The following FSTL5 variants were observed in gnomAD, a reference collection of about 807,000 sequenced individuals.
The protein encoded by FSTL5 is follistatin like 5.
A neutral mutation model predicts 89.1 loss-of-function variants in FSTL5; 62 were observed. That is an observed-to-expected ratio of 0.70 (90% CI 0.57 to 0.86). FSTL5 has a LOEUF of 0.86. Ranked by LOEUF, FSTL5 falls within the 40% of genes least tolerant of loss-of-function variation. FSTL5 has a pLI of 0.00. For missense variants in FSTL5, 1,057 were observed against 1,001.6 expected, an observed-to-expected ratio of 1.06 and a Z score of -0.75; for synonymous variants, 383 against 346.2, an observed-to-expected ratio of 1.11 and a Z score of -1.18.
chr4:161,676,097 G>C (rs1287690533), intron 6 of FSTL5, among the ~76,000 whole-genome samples: 2 of 152,044 alleles, frequency 1.3e-5, no homozygotes, highest in African/African-American at 4.8e-5. Flanking sequence ...AAAGGTAATG[G>C]TAATAGCTAT....
chr4:162,054,966 C>A (rs1738491520), intron 2 of FSTL5, among the ~76,000 whole-genome samples: 1 of 151,934 alleles, frequency 6.6e-6, no homozygotes. Context: ...CACAGGTAGT[C>A]ACCAACTCAA....
Position 162,033,615 on chromosome 4 carries a change from C to T in FSTL5, c.160+10G>A, listed in dbSNP as rs190176579. On this transcript the variant is annotated intron_variant, in intron 3 of 15. Coordinates refer to ENST00000306100, the MANE Select transcript of FSTL5 (RefSeq NM_020116.5). ...TATATAATTGTTATCTTAAAGCAAT[C>T]ATTTCTTACCTTTGACTCTTGAACT... The T allele has an allele frequency of 2.8e-6, 4 of 1,441,046 alleles. No individual in the cohort carries two copies. In the East Asian group the frequency reaches 9.4e-5, roughly 34 times the overall value. The allele number at this position is 1,441,046 out of a possible 1,614,324, so 89.3% of individuals were successfully genotyped here. A position where few individuals can be genotyped will look rare whatever the true frequency, so the allele number is the denominator to read the frequency against.
chr4:162,027,283 G>A (rs1737330740), intron 3 of FSTL5, among the ~76,000 whole-genome samples: 1 of 151,954 alleles, frequency 6.6e-6, no homozygotes, highest in African/African-American at 2.4e-5. Context: ...CTTACATTGA[G>A]ATCTATACTA....
chr4:161,435,755 T>C (rs189260126), intron 15 of FSTL5, among the ~76,000 whole-genome samples: 4 of 151,548 alleles, frequency 2.6e-5, no homozygotes, highest in Admixed American at 1.3e-4. Flanking sequence ...TTAAAAACAT[T>C]TTTGTAAAAG....
At chr4:161,940,925 C>A (rs1030506899) in intron 3 of FSTL5, among the ~76,000 whole-genome samples, 1 of 151,208 alleles carries the variant, frequency 6.6e-6, no homozygotes, top group South Asian at 2.1e-4. Flanking sequence ...TTTTGTTTTT[C>A]ATTATGTCTT....
intron 4 of FSTL5, among the ~76,000 whole-genome samples, chr4:161,807,546 C>T (rs2126835883): frequency 6.6e-6 from 1 of 152,130 alleles, no homozygotes; most frequent in Middle Eastern, 3.4e-3. Context: ...AAATTTTAGA[C>T]AGTAAATATT....
chr4:162,083,545 G>GA (rs899393053), intron 2 of FSTL5, among the ~76,000 whole-genome samples: 4 of 151,498 alleles, frequency 2.6e-5, no homozygotes, highest in East Asian at 3.9e-4. Flanking sequence ...AAATAATTTA[G>GA]AAAAAAATCA....
intron 15 of FSTL5, among the ~76,000 whole-genome samples, chr4:161,428,047 C>CA (rs1732223893): frequency 6.6e-6 from 1 of 152,148 alleles, no homozygotes; most frequent in Non-Finnish European, 1.5e-5. Context: ...AGCCACATGG[C>CA]ACAGAGAGAG....
chr4:161,454,927 T>G (rs1733295719), intron 15 of FSTL5, 77 bp downstream of exon 15: 1 of 1,367,952 alleles, frequency 7.3e-7, no homozygotes, highest in Non-Finnish European at 1.0e-6. Context: ...TATCTAAGTT[T>G]CTTTACGATT....
intron 8 of FSTL5, among the ~76,000 whole-genome samples, chr4:161,560,403 A>C (rs1732551974): frequency 6.6e-6 from 1 of 151,896 alleles, no homozygotes; most frequent in African/African-American, 2.4e-5. Context: ...TTAGATTTAT[A>C]AAAAAACTTT....
intron 7 of FSTL5, among the ~76,000 whole-genome samples, chr4:161,620,318 A>T (rs1176776227): frequency 2.6e-5 from 4 of 152,042 alleles, no homozygotes; most frequent in African/African-American, 9.7e-5. Context: ...GTGCACATGT[A>T]CCCTAAAACG....
At chr4:161,572,630 T>G (rs965302970) in intron 8 of FSTL5, among the ~76,000 whole-genome samples, 8 of 152,150 alleles carry the variant, frequency 5.3e-5, no homozygotes, top group African/African-American at 1.9e-4. Context: ...ATATAAACTT[T>G]CTAGAAAATT....
intron 2 of FSTL5, among the ~76,000 whole-genome samples, chr4:162,072,973 C>T (rs966682392): frequency 6.6e-6 from 1 of 151,744 alleles, no homozygotes; most frequent in African/African-American, 2.4e-5. Context: ...TGCCTTTGAC[C>T]TTGAACTGAG....
intron 12 of FSTL5, among the ~76,000 whole-genome samples, chr4:161,497,930 C>T (rs1369035684): frequency 6.6e-6 from 1 of 151,678 alleles, no homozygotes; most frequent in Admixed American, 6.6e-5. Flanking sequence ...GAAAATTATA[C>T]ATAGTTTGCA....
intron 4 of FSTL5, among the ~76,000 whole-genome samples, chr4:161,777,070 C>T (rs1309228977): frequency 6.6e-6 from 1 of 151,976 alleles, no homozygotes; most frequent in Non-Finnish European, 1.5e-5. Flanking sequence ...TCACTTTACT[C>T]TACAGCCATG....
intron 4 of FSTL5, among the ~76,000 whole-genome samples, chr4:161,784,014 C>T (rs1741791797): frequency 6.6e-6 from 1 of 151,512 alleles, no homozygotes; most frequent in Non-Finnish European, 1.5e-5. Context: ...CGGCTCACTG[C>T]AGCCTCCATC....
intron 1 of FSTL5, among the ~76,000 whole-genome samples, chr4:162,112,575 AT>A (rs977116143): frequency 2.6e-5 from 4 of 151,984 alleles, no homozygotes. Flanking sequence ...CCCTTTCTCA[AT>A]TATTTTCTTC....
intron 6 of FSTL5, among the ~76,000 whole-genome samples, chr4:161,705,091 A>G (rs2126733326): frequency 6.6e-6 from 1 of 152,144 alleles, no homozygotes; most frequent in South Asian, 2.1e-4. Flanking sequence ...ATTTTGTTCT[A>G]AAATTATATT....
chr4:161,768,274 C>G (rs897338306), intron 5 of FSTL5, among the ~76,000 whole-genome samples: 6 of 152,060 alleles, frequency 3.9e-5, no homozygotes, highest in African/African-American at 1.4e-4. Flanking sequence ...TTAACTCTAC[C>G]TTCCTTAAAA....
Sources: gnomAD v4.1 joint callset for allele counts (sites outside exome capture counted in the v4.1 genomes callset) on GRCh38, gnomAD v4.1.1 for gene constraint, MANE v1.5 for transcripts, NCBI Gene and HGNC (gene_info 2026-07-23, HGNC 2026-07-21) for gene names.